Variants in DPYSL3 observed in about 807,000 individuals in gnomAD.
DPYSL3 encodes dihydropyrimidinase-related protein 3.
Under a neutral mutation model 66.1 loss-of-function variants are expected in DPYSL3, and 16 were observed. The observed-to-expected ratio is 0.24, with a 90% CI of 0.16 to 0.37. The LOEUF is 0.37. Ranked by LOEUF, DPYSL3 falls within the 10% of genes least tolerant of loss-of-function variation. The pLI, the probability that DPYSL3 is intolerant of heterozygous loss-of-function variation, is 1.00. For synonymous variants in DPYSL3, 338 were observed against 345.1 expected (o/e 0.98, Z 0.23); for missense variants, 738 against 916.2 (o/e 0.81, Z 2.51).
In DPYSL3 at chr5:147,391,988, G is replaced by C. The variant is rs1644070808; in HGVS notation, c.*2047C>G. On this transcript the variant is annotated 3_prime_UTR_variant, in exon 14 of 14. Transcript: ENST00000343218. ...TCAGGGGCTGAGTAACAGCAGAGCA[G>C]AGAGTGCAGAAGTGGACGCTCAGAA... is the stretch of plus-strand genomic sequence containing the variant. The C allele has an allele frequency of 6.6e-6, 1 of 152,246 alleles. No individual in the cohort carries two copies. Among genetic ancestry groups the C allele is most frequent in the Non-Finnish European group, 1.5e-5 (1 of 68,064 alleles). 9.4% of individuals were successfully genotyped at this position (152,246 alleles called of 1,614,324 possible).
At chr5:147,482,500 T>G (rs539602606) in intron 1 of DPYSL3, among the ~76,000 whole-genome samples, 1 of 152,254 alleles carries the variant, frequency 6.6e-6, no homozygotes, top group African/African-American at 2.4e-5. Context: ...AGTGCCAATA[T>G]TTCTAGAACT....
At chr5:147,473,544 T>A (rs7721794) in intron 1 of DPYSL3, among the ~76,000 whole-genome samples, 2,891 of 152,254 alleles carry the variant, frequency 0.019, 92 homozygotes, top group African/African-American at 0.066. Context: ...AAATGGTGAA[T>A]GAAATGTTAT....
At position 147,480,901 on chromosome 5, in the gene DPYSL3, T is replaced by C. The variant is rs138307536; in HGVS notation, c.381+28577A>G. Among the ~76,000 whole-genome samples the C allele has an allele frequency of 5.1e-3, 782 of 152,082 alleles. 30 individuals are homozygous for C. The East Asian group carries it at 0.11, about 20-fold the overall frequency. On this transcript the variant is annotated intron_variant, in intron 1 of 13. Coordinates refer to ENST00000343218, the MANE Select transcript of DPYSL3 (RefSeq NM_001197294.2). ...CTACGCCCGGCTCATTTTGTATTTTTAGTAGAGACAGGGTTTCTCCATGTT... is the reference window on the plus strand; with the variant it reads ...CTACGCCCGGCTCATTTTGTATTTTCAGTAGAGACAGGGTTTCTCCATGTT...
intron 1 of DPYSL3, among the ~76,000 whole-genome samples, chr5:147,494,880 A>AAATAATAATAATAAT (rs34805887): frequency 0.016 from 2,313 of 142,404 alleles, 21 homozygotes; most frequent in Middle Eastern, 0.029. Flanking sequence ...CTCCATCTCA[A>AAATAATAATAATAAT]AATAATAATA....
chr5:147,435,937 A>G (rs1197642387), intron 1 of DPYSL3, among the ~76,000 whole-genome samples: 1 of 151,980 alleles, frequency 6.6e-6, no homozygotes, highest in African/African-American at 2.4e-5. Context: ...AAGGGGAGGG[A>G]GTGGTTATTG....
intron 1 of DPYSL3, among the ~76,000 whole-genome samples, chr5:147,441,032 C>T (rs73794738): frequency 0.025 from 3,765 of 152,280 alleles, 150 homozygotes; most frequent in African/African-American, 0.085. Flanking sequence ...GCCATATACA[C>T]AATTATGGTT....
chr5:147,414,460 G>T (rs912520876), intron 4 of DPYSL3, among the ~76,000 whole-genome samples: 3 of 152,070 alleles, frequency 2.0e-5, no homozygotes, highest in African/African-American at 7.2e-5. Context: ...GGATAATTTT[G>T]GTCTCTAACC....
intron 1 of DPYSL3, among the ~76,000 whole-genome samples, chr5:147,506,005 C>CA: frequency 6.6e-6 from 1 of 151,960 alleles, no homozygotes; most frequent in East Asian, 1.9e-4. Flanking sequence ...TGGGACTAAA[C>CA]AATTAGTCTC....
At chr5:147,475,561 A>T (rs370351650) in intron 1 of DPYSL3, among the ~76,000 whole-genome samples, 1 of 152,164 alleles carries the variant, frequency 6.6e-6, no homozygotes, top group African/African-American at 2.4e-5. Flanking sequence ...ATCCTAAAAC[A>T]AATTGCTCAA....
At chr5:147,418,701 T>C in intron 2 of DPYSL3, 70 bp from the exon 3 acceptor site, 3 of 1,370,898 alleles carry the variant, frequency 2.2e-6, no homozygotes, top group Non-Finnish European at 3.0e-6. Context: ...CCAAGACAAA[T>C]ATAGTGGTAT....
intron 1 of DPYSL3, among the ~76,000 whole-genome samples, chr5:147,458,769 C>T (rs117146013): frequency 1.3e-5 from 2 of 152,202 alleles, no homozygotes; most frequent in East Asian, 3.9e-4. Flanking sequence ...TGAATGTGGG[C>T]TCTTTAAGAT....
intron 8 of DPYSL3, 55 bp from the exon 9 acceptor site, chr5:147,401,751 G>C: frequency 6.3e-7 from 1 of 1,596,248 alleles, no homozygotes; most frequent in African/African-American, 1.3e-5. Flanking sequence ...GCTGCACTGG[G>C]CCAAGCCTAT....
At chr5:147,408,275 C>T (rs1198246993) in intron 7 of DPYSL3, among the ~76,000 whole-genome samples, 1 of 152,128 alleles carries the variant, frequency 6.6e-6, no homozygotes, top group Non-Finnish European at 1.5e-5. Flanking sequence ...TAAGTACAGA[C>T]ATAAATAAGC....
intron 5 of DPYSL3, among the ~76,000 whole-genome samples, chr5:147,413,118 A>C (rs1371906396): frequency 6.6e-6 from 1 of 151,804 alleles, no homozygotes; most frequent in East Asian, 1.9e-4. Flanking sequence ...ACATACCTTC[A>C]CCTCTAAGCA....
At chr5:147,398,923 A>G (rs976907218) in intron 11 of DPYSL3, among the ~76,000 whole-genome samples, 159 bp downstream of exon 11, 1 of 152,234 alleles carries the variant, frequency 6.6e-6, no homozygotes, top group African/African-American at 2.4e-5. Context: ...CAGGAGAAAC[A>G]CAGTTGAGGT....
intron 1 of DPYSL3, among the ~76,000 whole-genome samples, chr5:147,503,212 A>G (rs1753640350): frequency 6.6e-6 from 1 of 152,222 alleles, no homozygotes; most frequent in South Asian, 2.1e-4. Flanking sequence ...GGACAAGACA[A>G]GCCACTGGGA....
At chr5:147,455,991 A>G (rs1752847759) in intron 1 of DPYSL3, among the ~76,000 whole-genome samples, 1 of 152,170 alleles carries the variant, frequency 6.6e-6, no homozygotes, top group Non-Finnish European at 1.5e-5. Flanking sequence ...TGCATGCAAG[A>G]GGCCATGCTG....
chr5:147,423,595 G>C (rs1752129991), intron 2 of DPYSL3, among the ~76,000 whole-genome samples: 1 of 152,160 alleles, frequency 6.6e-6, no homozygotes, highest in Non-Finnish European at 1.5e-5. Flanking sequence ...TTGGGATGTG[G>C]AATAAACAAG....
intron 10 of DPYSL3, among the ~76,000 whole-genome samples, chr5:147,399,478 C>T: frequency 7.1e-6 from 1 of 141,314 alleles, no homozygotes; most frequent in East Asian, 2.8e-4. Flanking sequence ...GAAGTTACTG[C>T]CCCTGAAGTA....
Sources: gnomAD v4.1 joint callset for allele counts (sites outside exome capture counted in the v4.1 genomes callset) on GRCh38, gnomAD v4.1.1 for gene constraint, MANE v1.5 for transcripts, NCBI Gene and HGNC (gene_info 2026-07-23, HGNC 2026-07-21) for gene names.